Variants in MKLN1 observed in about 807,000 individuals in gnomAD.
The protein encoded by MKLN1 is muskelin.
A neutral mutation model predicts 99.0 loss-of-function variants in MKLN1; 18 were observed. The ratio of observed to expected loss-of-function variants is 0.18; its 90% CI spans 0.13 to 0.27. The LOEUF is 0.27. Ranked by LOEUF, MKLN1 falls within the 10% of genes least tolerant of loss-of-function variation. The probability of loss-of-function intolerance (pLI) is 1.00; values close to 1 mark genes in which losing one functional copy is unlikely to be tolerated. For synonymous variants in MKLN1, 288 were observed against 293.2 expected (o/e 0.98, Z 0.18); for missense variants, 621 against 875.9 (o/e 0.71, Z 3.67).
chr7:131,231,119 CAAAA>C (rs58048470), intron 3 of MKLN1, among the ~76,000 whole-genome samples: 2 of 60,398 alleles, frequency 3.3e-5, no homozygotes, highest in Non-Finnish European at 5.5e-5. Flanking sequence ...GACTCTGTCT[CAAAA>C]AAAAAAAAAA....
intron 1 of MKLN1, among the ~76,000 whole-genome samples, chr7:131,342,166 T>C (rs1799426289): frequency 6.6e-6 from 1 of 152,122 alleles, no homozygotes; most frequent in African/African-American, 2.4e-5. Context: ...ATTTTTTTTT[T>C]TTTCTGTTAT....
At chr7:131,149,760 T>C (rs1252836990) in intron 2 of MKLN1, among the ~76,000 whole-genome samples, 2 of 152,258 alleles carry the variant, frequency 1.3e-5, no homozygotes, top group South Asian at 2.1e-4. Flanking sequence ...TGTAATTTAC[T>C]ACAGTTGAGG....
intron 3 of MKLN1, among the ~76,000 whole-genome samples, chr7:131,320,451 T>C (rs1056282348): frequency 3.9e-4 from 59 of 152,210 alleles, no homozygotes; most frequent in African/African-American, 1.4e-3. Context: ...AAGACTTAAA[T>C]GTAAAACCCC....
chr7:131,372,300 A>G (rs893474937), intron 1 of MKLN1, among the ~76,000 whole-genome samples: 2 of 151,978 alleles, frequency 1.3e-5, no homozygotes, highest in South Asian at 2.1e-4. Flanking sequence ...CATATCTTCA[A>G]TCTTCTGTGT....
chr7:131,327,887 C>A lies in MKLN1; in HGVS notation c.-13C>A, dbSNP rs756174098. ...TGCCAGCGGTCGGTGGCGGCCGCTA[C>A]GGTGCTGACAAGATGGCGGCTGGCG... On this transcript the variant is annotated 5_prime_UTR_variant, in exon 1 of 18. Transcript: ENST00000352689. 7 of 1,610,590 alleles carry A rather than the reference C, an allele frequency of 4.3e-6. No homozygotes were observed. Among genetic ancestry groups the A allele is most frequent in the Middle Eastern group, 1.7e-4 (1 of 6,052 alleles).
chr7:131,236,039 G>C (rs1407467001), intron 3 of MKLN1, among the ~76,000 whole-genome samples: 1 of 152,216 alleles, frequency 6.6e-6, no homozygotes, highest in Non-Finnish European at 1.5e-5. Context: ...TCTTAGTCTA[G>C]GGTGAGAGGT....
At chr7:131,113,945 G>C (rs6956067) in intron 1 of MKLN1, among the ~76,000 whole-genome samples, 17,044 of 152,162 alleles carry the variant, frequency 0.11, 1,121 homozygotes, top group East Asian at 0.32. Flanking sequence ...GAACAGCATG[G>C]AGGGAACTGC....
chr7:131,153,911 C>T (rs1311079875), intron 2 of MKLN1, among the ~76,000 whole-genome samples: 1 of 151,966 alleles, frequency 6.6e-6, no homozygotes, highest in African/African-American at 2.4e-5. Flanking sequence ...AATCTGCCTG[C>T]CTTGGCCTCC....
At chr7:131,244,172 C>T (rs1264223814) in intron 3 of MKLN1, among the ~76,000 whole-genome samples, 1 of 152,110 alleles carries the variant, frequency 6.6e-6, no homozygotes, top group African/African-American at 2.4e-5. Flanking sequence ...ACCATTAATG[C>T]CTATTGAGTT....
At chr7:131,246,246 G>C (rs1227602515) in intron 3 of MKLN1, among the ~76,000 whole-genome samples, 1 of 152,216 alleles carries the variant, frequency 6.6e-6, no homozygotes, top group African/African-American at 2.4e-5. Context: ...TGCCTTGTCG[G>C]CTGCTGATGT....
At chr7:131,396,185 G>A (rs2116224946) in intron 4 of MKLN1, among the ~76,000 whole-genome samples, 1 of 152,206 alleles carries the variant, frequency 6.6e-6, no homozygotes, top group African/African-American at 2.4e-5. Context: ...TGATTCTCTT[G>A]CCACAGCCTC....
In MKLN1 at chr7:131,192,087, T is replaced by A. The variant is rs1420091039; in HGVS notation, c.-296-10770T>A. Among the ~76,000 whole-genome samples the A allele has an allele frequency of 9.3e-5, 7 of 75,566 alleles. 1 individual carries two copies. The highest frequency in any genetic ancestry group is 2.5e-4 in the African/African-American group (4 of 16,084). 49.6% of individuals were successfully genotyped at this position (75,566 alleles called of 152,430 possible). ...ATATATTATATATATACATATATAT[T>A]ATATATATATGTATATATATATTAT... On this transcript the variant is annotated intron_variant, in intron 2 of 7. Transcript: ENST00000416992.
chr7:131,225,084 A>AG (rs1159661625), intron 3 of MKLN1, among the ~76,000 whole-genome samples: 1 of 152,030 alleles, frequency 6.6e-6, no homozygotes, highest in African/African-American at 2.4e-5. Context: ...AAAAAAAAAA[A>AG]AAAGAAATAC....
At position 131,291,101 on chromosome 7, in the gene MKLN1, T is replaced by TTTTATTTTATTTATTTATTTA. The variant is rs550977388; in HGVS notation, c.-178-84316_-178-84315insTATTTATTTATTTATTTATTT. Reference sequence around the variant, plus strand: ...ATGCTTTTCCTTTTATCTCATTTTATTTTATTTATTTATTTATTTATTTAT... The same window carrying TTTTATTTTATTTATTTATTTA: ...ATGCTTTTCCTTTTATCTCATTTTATTTTATTTTATTTATTTATTTATTTATTTATTTATTTATTTATTTAT... On this transcript the variant is annotated intron_variant, in intron 3 of 7. Coordinates refer to the MKLN1 transcript ENST00000416992. Among the ~76,000 whole-genome samples, 296 of 134,862 alleles carry TTTTATTTTATTTATTTATTTA rather than the reference T, an allele frequency of 2.2e-3. 3 individuals are homozygous for TTTTATTTTATTTATTTATTTA. Among genetic ancestry groups the TTTTATTTTATTTATTTATTTA allele is most frequent in the Non-Finnish European group, 3.3e-3 (209 of 64,064 alleles). The allele number at this position is 134,862 out of a possible 152,430, so 88.5% of individuals were successfully genotyped here.
intron 3 of MKLN1, among the ~76,000 whole-genome samples, chr7:131,212,849 G>A (rs964337405): frequency 2.6e-5 from 4 of 151,830 alleles, no homozygotes; most frequent in Non-Finnish European, 5.9e-5. Flanking sequence ...CTGGAACCCG[G>A]GAGGCGGAGG....
chr7:131,308,740 C>A (rs1251334626), intron 3 of MKLN1, among the ~76,000 whole-genome samples: 1 of 152,012 alleles, frequency 6.6e-6, no homozygotes, highest in East Asian at 1.9e-4. Context: ...CATGTGCCAC[C>A]ACGCCTGGCT....
At chr7:131,188,046 A>C (rs1796478750) in intron 2 of MKLN1, among the ~76,000 whole-genome samples, 1 of 152,228 alleles carries the variant, frequency 6.6e-6, no homozygotes, top group African/African-American at 2.4e-5. Context: ...TAAATATTTA[A>C]AACAAGGTAT....
rs748866480 is a variant in MKLN1, at chr7:131,328,010, C to A, written c.98+13C>A. ...CCTACCTTCCCGAGTAAGTGCCGGG[C>A]CTTGAGCTCGTGCTGCCCCACCCTT... is the stretch of plus-strand genomic sequence containing the variant. On this transcript the variant is annotated intron_variant, in intron 1 of 17. Transcript: ENST00000352689. 3 of 1,613,412 alleles carry A rather than the reference C, an allele frequency of 1.9e-6. No individual in the cohort carries two copies. The African/African-American group carries it at 4.0e-5, about 22-fold the overall frequency.
intron 4 of MKLN1, 29 bp downstream of exon 4, chr7:131,389,001 CA>C (rs1327211692): frequency 6.8e-7 from 1 of 1,478,362 alleles, no homozygotes. Context: ...GAAATAGAAA[CA>C]AATTCTTGAT....
Sources: allele counts gnomAD v4.1 joint callset (sites outside exome capture counted in the v4.1 genomes callset), GRCh38; gene constraint gnomAD v4.1.1; transcripts MANE v1.5; gene names NCBI Gene and HGNC (gene_info 2026-07-23, HGNC 2026-07-21).